SDK1: variants seen among roughly 807,000 people sequenced by gnomAD.
SDK1 encodes the protein sidekick cell adhesion molecule 1.
A neutral mutation model predicts 245.5 loss-of-function variants in SDK1; 157 were observed. The observed-to-expected ratio is 0.64, with a 90% confidence interval of 0.56 to 0.73. The LOEUF (loss-of-function observed/expected upper bound fraction) is 0.73. SDK1 is among the 30% of genes least tolerant of loss of function. The pLI is 0.00. For synonymous variants in SDK1, 1,647 were observed against 1,278.5 expected, an observed-to-expected ratio of 1.29 and a Z score of -6.15; for missense variants, 3,583 against 3,002.3, an observed-to-expected ratio of 1.19 and a Z score of -4.52.
At chr7:3,885,338 G>A (rs950036510) in intron 5 of SDK1, among the ~76,000 whole-genome samples, 4 of 152,160 alleles carry the variant, frequency 2.6e-5, no homozygotes, top group African/African-American at 9.7e-5. Flanking sequence ...TAACTTGGGG[G>A]TGGGCTGCGT....
chr7:3,971,752 T>C (rs755919651), intron 12 of SDK1, among the ~76,000 whole-genome samples, 184 bp downstream of exon 12: 1 of 152,204 alleles, frequency 6.6e-6, no homozygotes, highest in Non-Finnish European at 1.5e-5. Flanking sequence ...ACTCCAGCCT[T>C]ATGTGTTATT....
chr7:3,359,522 T>G (rs185659582), intron 1 of SDK1, among the ~76,000 whole-genome samples: 1 of 152,204 alleles, frequency 6.6e-6, no homozygotes, highest in East Asian at 1.9e-4. Flanking sequence ...GATTGTCTAT[T>G]TTTGCTTGTT....
intron 1 of SDK1, among the ~76,000 whole-genome samples, chr7:3,414,540 G>A (rs1779308966): frequency 6.6e-6 from 1 of 152,082 alleles, no homozygotes; most frequent in Non-Finnish European, 1.5e-5. Flanking sequence ...AATGAAGTTG[G>A]CAAATTTATG....
chr7:3,799,113 G>C (rs114664603), intron 4 of SDK1, among the ~76,000 whole-genome samples: 22 of 152,134 alleles, frequency 1.4e-4, no homozygotes, highest in Non-Finnish European at 1.5e-5. Context: ...AGTAGAATAA[G>C]TCCCTCATGT....
intron 1 of SDK1, among the ~76,000 whole-genome samples, chr7:3,518,526 G>T (rs1190586057): frequency 6.6e-6 from 1 of 151,762 alleles, no homozygotes; most frequent in Non-Finnish European, 1.5e-5. Context: ...CAAATGATCT[G>T]AACACACATT....
intron 5 of SDK1, among the ~76,000 whole-genome samples, chr7:3,855,590 A>G (rs1360975408): frequency 6.7e-6 from 1 of 148,212 alleles, no homozygotes; most frequent in South Asian, 2.1e-4. Flanking sequence ...GACATAGAAG[A>G]TAGAGCCAGC....
chr7:4,067,170 G>A (rs1779960486), intron 19 of SDK1, among the ~76,000 whole-genome samples: 1 of 152,148 alleles, frequency 6.6e-6, no homozygotes, highest in Admixed American at 6.5e-5. Context: ...AATTTCCTAG[G>A]CAGCAAGTAG....
At chr7:3,487,837 G>A (rs1049825978) in intron 1 of SDK1, among the ~76,000 whole-genome samples, 1 of 151,232 alleles carries the variant, frequency 6.6e-6, no homozygotes, top group Non-Finnish European at 1.5e-5. Context: ...TCATACCTTA[G>A]CATTTATTTA....
intron 35 of SDK1, among the ~76,000 whole-genome samples, chr7:4,183,359 G>C (rs145811482): frequency 6.6e-6 from 1 of 152,150 alleles, no homozygotes; most frequent in African/African-American, 2.4e-5. Context: ...TTACAGGCTG[G>C]GTGCGGTGGT....
intron 1 of SDK1, among the ~76,000 whole-genome samples, chr7:3,349,534 A>AG (rs1780601170): frequency 2.0e-5 from 3 of 152,206 alleles, no homozygotes. Flanking sequence ...CAGAGGACTA[A>AG]GAAGCGAAGG....
At position 3,822,003 on chromosome 7, in the gene SDK1, A is replaced by T. The variant is rs115183297; in HGVS notation, c.847+420A>T. Among the ~76,000 whole-genome samples the T allele has an allele frequency of 7.1e-3, 1,078 of 152,340 alleles. 10 individuals are homozygous for T. Among genetic ancestry groups the T allele is most frequent in the African/African-American group, 0.024 (1,012 of 41,574 alleles). The stretch of plus-strand genomic sequence containing the variant: ...GAAATTCTACCTATTAAGTTGTACG[A>T]AAATTAGCAGTATTTAAGCATAATC... On this transcript the variant is annotated intron_variant, in intron 5 of 44. Coordinates refer to ENST00000404826, the MANE Select transcript of SDK1 (RefSeq NM_152744.4).
intron 5 of SDK1, among the ~76,000 whole-genome samples, chr7:3,896,656 C>G (rs2128103798): frequency 6.6e-6 from 1 of 152,252 alleles, no homozygotes; most frequent in Admixed American, 6.5e-5. Context: ...TTTCCTTCAC[C>G]CAGGAATCAC....
At chr7:3,501,886 C>CT (rs1782226753) in intron 1 of SDK1, among the ~76,000 whole-genome samples, 1 of 152,132 alleles carries the variant, frequency 6.6e-6, no homozygotes, top group Non-Finnish European at 1.5e-5. Flanking sequence ...GATTTACAGA[C>CT]ATTTGGAAAT....
chr7:3,799,167 T>A (rs570353147), intron 4 of SDK1, among the ~76,000 whole-genome samples: 50 of 152,346 alleles, frequency 3.3e-4, no homozygotes, highest in Middle Eastern at 3.4e-3. Context: ...TATTACTTTT[T>A]TGTTTCTTCT....
chr7:3,569,601 C>G (rs1002444768), intron 1 of SDK1, among the ~76,000 whole-genome samples: 1 of 152,228 alleles, frequency 6.6e-6, no homozygotes, highest in African/African-American at 2.4e-5. Context: ...GCTTTGCATT[C>G]TTCAAGGCAA....
chr7:3,887,959 G>A (rs1369985631), intron 5 of SDK1, among the ~76,000 whole-genome samples: 2 of 152,142 alleles, frequency 1.3e-5, no homozygotes, highest in Non-Finnish European at 2.9e-5. Context: ...TTGTCTGTCT[G>A]ACTGTTTTAC....
At chr7:3,363,952 C>G (rs1361938960) in intron 1 of SDK1, among the ~76,000 whole-genome samples, 1 of 152,186 alleles carries the variant, frequency 6.6e-6, no homozygotes, top group African/African-American at 2.4e-5. Flanking sequence ...TTCACATCCT[C>G]ATCATTATTT....
At chr7:3,855,629 T>G (rs1780527128) in intron 5 of SDK1, among the ~76,000 whole-genome samples, 1 of 151,418 alleles carries the variant, frequency 6.6e-6, no homozygotes, top group African/African-American at 2.4e-5. Context: ...ATGACAGGAG[T>G]TTCATAATAA....
At chr7:3,501,241 C>T (rs56938545) in intron 1 of SDK1, among the ~76,000 whole-genome samples, 4,897 of 152,024 alleles carry the variant, frequency 0.032, 282 homozygotes, top group African/African-American at 0.11. Context: ...TTAGAGAATT[C>T]CTCTTGGACT....
Sources: allele counts gnomAD v4.1 joint callset (sites outside exome capture counted in the v4.1 genomes callset), GRCh38; gene constraint gnomAD v4.1.1; transcripts MANE v1.5; gene names NCBI Gene and HGNC (gene_info 2026-07-23, HGNC 2026-07-21).